REG4: variants seen among roughly 807,000 people sequenced by gnomAD.
REG4 encodes regenerating family member 4, also known as regenerating islet-derived protein 4.
REG4 carries 16 observed loss-of-function variants against 22.3 expected under a neutral mutation model. The ratio of observed to expected loss-of-function variants is 0.72; its 90% CI spans 0.49 to 1.09. REG4 has a LOEUF of 1.09. REG4 is among the 50% of genes least tolerant of loss of function. REG4 has a pLI of 0.00. For missense variants in REG4, 214 were observed against 193.9 expected, an observed-to-expected ratio of 1.10 and a Z score of -0.61; for synonymous variants, 71 against 69.2, an observed-to-expected ratio of 1.03 and a Z score of -0.13.
At chr1:119,800,524 T>C (rs1312496155) in intron 3 of REG4, among the ~76,000 whole-genome samples, 1 of 152,116 alleles carries the variant, frequency 6.6e-6, no homozygotes, top group Non-Finnish European at 1.5e-5. Flanking sequence ...CTTTAGTTTA[T>C]GGATGGGGAG....
At chr1:119,797,555 C>T (rs759140127) in intron 5 of REG4, among the ~76,000 whole-genome samples, 32 of 152,216 alleles carry the variant, frequency 2.1e-4, no homozygotes, top group African/African-American at 2.9e-4. Flanking sequence ...TGCTCCAGGC[C>T]GACTTCTTGG....
rs1276447459 is a variant in REG4, at chr1:119,798,609, C to T, written c.304-7G>A. On this transcript the variant is annotated splice_region_variant and splice_polypyrimidine_tract_variant and intron_variant, in intron 4 of 5. Coordinates refer to ENST00000256585, the MANE Select transcript of REG4 (RefSeq NM_032044.4). ...TCCACTGCCACTGCTGCCTCTGCAA[C>T]AACAGGAGATGGAGAAGTGTACAGC... 1.2e-6 allele frequency: 2 copies of T among 1,612,864 alleles called. No individual in the cohort carries two copies. Among genetic ancestry groups the T allele is most frequent in the South Asian group, 2.2e-5 (2 of 91,066 alleles).
At chr1:119,804,225 C>T (rs993429332) in intron 2 of REG4, among the ~76,000 whole-genome samples, 1 of 152,170 alleles carries the variant, frequency 6.6e-6, no homozygotes, top group African/African-American at 2.4e-5. Context: ...AGCATTTTCT[C>T]TCTCCTCATT....
chr1:119,806,995 T>C (rs931979821), intron 2 of REG4, among the ~76,000 whole-genome samples: 3 of 152,228 alleles, frequency 2.0e-5, no homozygotes, highest in Non-Finnish European at 4.4e-5. Context: ...AAATAGTAGC[T>C]AGTTAAAACC....
At chr1:119,794,784 T>C in intron 5 of REG4, 99 bp from the exon 6 acceptor site, 2 of 989,250 alleles carry the variant, frequency 2.0e-6, no homozygotes, top group Non-Finnish European at 3.2e-6. Context: ...TAAGGCAATA[T>C]GATGGTTGAC....
Position 119,794,514 on chromosome 1 carries a change from A to T in REG4, c.*104T>A, listed in dbSNP as rs1390784928. ...GTGTAGTAGGGCCCTTATCACTCTTAGTTTGCTAGGTTTCCCCTCTGAAAT... is the reference window on the plus strand; with the variant it reads ...GTGTAGTAGGGCCCTTATCACTCTTTGTTTGCTAGGTTTCCCCTCTGAAAT... On this transcript the variant is annotated 3_prime_UTR_variant, in exon 6 of 6. Transcript: ENST00000256585. 2 of 1,067,850 alleles carry T rather than the reference A, an allele frequency of 1.9e-6. No homozygotes were observed. Among genetic ancestry groups the T allele is most frequent in the African/African-American group, 1.6e-5 (1 of 64,022 alleles). The allele number at this position is 1,067,850 out of a possible 1,614,324, so 66.1% of individuals were successfully genotyped here.
chr1:119,803,119 C>A lies in REG4; in HGVS notation c.114G>T (p.Lys38Asn). The A allele has an allele frequency of 6.5e-7, 1 of 1,545,322 alleles. No homozygotes were observed. The highest frequency in any genetic ancestry group is 8.7e-7 in the Non-Finnish European group (1 of 1,149,678). ...TCCTGAAGTAACCATAGCAATTGGA[C>A]TTGTGGTAAAACCATCCAGGAGCAC... ...PSCAPGWFYHKSNCYGYFRKL... is the reference protein window; with the variant it reads ...PSCAPGWFYHNSNCYGYFRKL... The change falls in exon 3 of 6, where the codon AAG (lysine) becomes AAT (asparagine). Residue 38 changes from lysine (K) to asparagine (N), a missense_variant. By Grantham distance (94) the Lys-to-Asn change is moderately conservative. Coordinates refer to ENST00000256585, the MANE Select transcript of REG4 (RefSeq NM_032044.4).
At chr1:119,795,923 G>A (rs1020236478) in intron 5 of REG4, among the ~76,000 whole-genome samples, 1 of 152,226 alleles carries the variant, frequency 6.6e-6, no homozygotes, top group African/African-American at 2.4e-5. Context: ...TGAGCCTGTG[G>A]ATAAGCTAGA....
intron 1 of REG4, among the ~76,000 whole-genome samples, chr1:119,810,959 C>T (rs1654475724): frequency 6.6e-6 from 1 of 152,120 alleles, no homozygotes; most frequent in African/African-American, 2.4e-5. Context: ...GAGGCTGAGG[C>T]AGGAGAATCA....
At chr1:119,808,496 G>A (rs1571073330) in intron 2 of REG4, among the ~76,000 whole-genome samples, 1 of 152,312 alleles carries the variant, frequency 6.6e-6, no homozygotes, top group South Asian at 2.1e-4. Flanking sequence ...GATGATTTAA[G>A]TATGGGTTAT....
intron 1 of REG4, among the ~76,000 whole-genome samples, chr1:119,811,040 C>A (rs1654480012): frequency 6.6e-6 from 1 of 152,066 alleles, no homozygotes; most frequent in Non-Finnish European, 1.5e-5. Context: ...GGAGACAGAG[C>A]AAGACTCCAT....
chr1:119,794,714 C>A (rs1433366094), intron 5 of REG4, 29 bp from the exon 6 acceptor site: 1 of 1,595,392 alleles, frequency 6.3e-7, no homozygotes, highest in Non-Finnish European at 8.6e-7. Context: ...ATATTTAAAT[C>A]CATTCAGTAC....
intron 1 of REG4, chr1:119,809,320 A>T (rs1391188044): frequency 6.6e-6 from 1 of 152,294 alleles, no homozygotes; most frequent in Admixed American, 6.5e-5. Context: ...TGAGGTCAGT[A>T]AGTATGAAGT....
At chr1:119,797,566 C>A (rs1653969456) in intron 5 of REG4, among the ~76,000 whole-genome samples, 1 of 152,324 alleles carries the variant, frequency 6.6e-6, no homozygotes, top group East Asian at 1.9e-4. Flanking sequence ...GACTTCTTGG[C>A]TGGCAGGGGG....
At chr1:119,794,822 A>T (rs1653886155) in intron 5 of REG4, 137 bp from the exon 6 acceptor site, 1 of 764,752 alleles carries the variant, frequency 1.3e-6, no homozygotes, top group African/African-American at 1.7e-5. Context: ...CTAGACTATG[A>T]TGTACAGTTG....
chr1:119,804,616 C>T (rs7512994), intron 2 of REG4, among the ~76,000 whole-genome samples: 79,704 of 152,078 alleles, frequency 0.52, 21,151 homozygotes, highest in Middle Eastern at 0.7. Context: ...CATTCATAAA[C>T]ATGAACATAA....
intron 5 of REG4, among the ~76,000 whole-genome samples, chr1:119,795,526 C>G (rs1483773597): frequency 2.0e-5 from 3 of 152,222 alleles, no homozygotes; most frequent in Non-Finnish European, 4.4e-5. Context: ...TATTTCCCTC[C>G]CAGAAGCCAA....
At chr1:119,807,608 G>A (rs115599850) in intron 2 of REG4, among the ~76,000 whole-genome samples, 3,808 of 150,576 alleles carry the variant, frequency 0.025, 140 homozygotes, top group African/African-American at 0.091. Context: ...AGGGGCTCAA[G>A]AGCAGCCCCC....
rs587735223 is a variant in REG4, at chr1:119,804,674, A to G, written c.68-1509T>C. ...CCTTTATGCCATTGCCGTTACTACT[A>G]GTACCACTGTCACTAGCTTTTGTAA... On this transcript the variant is annotated intron_variant, in intron 2 of 5. Transcript: ENST00000256585. Among the ~76,000 whole-genome samples, 19 of 152,346 alleles carry G rather than the reference A, an allele frequency of 1.2e-4. No homozygotes were observed. The South Asian group carries it at 3.9e-3, about 32-fold the overall frequency.
Sources: allele counts gnomAD v4.1 joint callset (sites outside exome capture counted in the v4.1 genomes callset), GRCh38; gene constraint gnomAD v4.1.1; transcripts MANE v1.5; gene names NCBI Gene and HGNC (gene_info 2026-07-23, HGNC 2026-07-21).